Variants in PAG1 observed in about 807,000 individuals in gnomAD.
PAG1 encodes the protein phosphoprotein associated with glycosphingolipid-enriched microdomains 1.
In PAG1, 23 loss-of-function variants were observed where a neutral mutation model predicts 31.7. The observed-to-expected ratio is 0.73, with a 90% CI of 0.52 to 1.03. The LOEUF (loss-of-function observed/expected upper bound fraction) is 1.03, where lower values mean the gene tolerates loss of function less well. Ranked by LOEUF, PAG1 falls within the 50% of genes least tolerant of loss-of-function variation. The pLI, the probability that PAG1 is intolerant of heterozygous loss-of-function variation, is 0.00. For missense variants in PAG1, 473 were observed against 540.7 expected, an observed-to-expected ratio of 0.87 and a Z score of 1.24; for synonymous variants, 214 against 210.3, an observed-to-expected ratio of 1.02 and a Z score of -0.15.
At chr8:81,028,562 T>C (rs1166029311) in intron 3 of PAG1, among the ~76,000 whole-genome samples, 2 of 152,196 alleles carry the variant, frequency 1.3e-5, no homozygotes, top group African/African-American at 4.8e-5. Flanking sequence ...TCTTAAAGAC[T>C]TTTTTCATGT....
At chr8:81,055,869 G>A (rs1365037610) in intron 2 of PAG1, among the ~76,000 whole-genome samples, 2 of 152,108 alleles carry the variant, frequency 1.3e-5, no homozygotes. Flanking sequence ...TGAGATGGTG[G>A]GGTTTTCTAG....
intron 2 of PAG1, among the ~76,000 whole-genome samples, chr8:81,039,952 T>A (rs1426405581): frequency 2.0e-5 from 3 of 152,188 alleles, no homozygotes; most frequent in Non-Finnish European, 2.9e-5. Flanking sequence ...ATTTTAATTG[T>A]GAGGAAAAAT....
chr8:81,046,687 C>A (rs973854194), intron 2 of PAG1, among the ~76,000 whole-genome samples: 1 of 151,814 alleles, frequency 6.6e-6, no homozygotes, highest in Admixed American at 6.6e-5. Context: ...TTTAAATTTC[C>A]AATTTTTATT....
chr8:81,043,512 T>C (rs903477034), intron 2 of PAG1, among the ~76,000 whole-genome samples: 3 of 151,338 alleles, frequency 2.0e-5, no homozygotes, highest in African/African-American at 4.8e-5. Flanking sequence ...GAATGTTCCA[T>C]GTCAGTACAT....
At position 80,993,128 on chromosome 8, in the gene PAG1, T is replaced by A. The variant is rs1241681612; in HGVS notation, c.100A>T (p.Ile34Phe). ...CTGTCACAACTAGAGCACAGGAAGA[T>A]GAGGAAGGTGATGACGAAGAAAATG... ...VAIFFVITFL[I>F]FLCSSCDREK... is the part of the protein sequence containing the mutation. Residue 34 changes from isoleucine to phenylalanine, a missense_variant, in exon 4 of 9, where the codon ATC (isoleucine) becomes TTC (phenylalanine). Physicochemically the swap from Ile to Phe is conservative, Grantham distance 21. Coordinates refer to ENST00000220597, the MANE Select transcript of PAG1 (RefSeq NM_018440.4). 2 of 1,613,700 alleles carry A rather than the reference T, an allele frequency of 1.2e-6. No homozygotes were observed. The highest frequency in any genetic ancestry group is 1.7e-6 in the Non-Finnish European group (2 of 1,179,834).
At chr8:81,081,654 T>G (rs1406756755) in intron 1 of PAG1, among the ~76,000 whole-genome samples, 1 of 152,190 alleles carries the variant, frequency 6.6e-6, no homozygotes, top group Non-Finnish European at 1.5e-5. Flanking sequence ...ATTTAAAGAA[T>G]GTTATATAAA....
At chr8:81,071,336 G>A (rs1228774165) in intron 1 of PAG1, among the ~76,000 whole-genome samples, 2 of 152,174 alleles carry the variant, frequency 1.3e-5, no homozygotes, top group African/African-American at 2.4e-5. Flanking sequence ...AGAGGCAGTA[G>A]AATGGTAAAG....
intron 1 of PAG1, among the ~76,000 whole-genome samples, chr8:81,076,507 A>C (rs1809180520): frequency 6.6e-6 from 1 of 152,254 alleles, no homozygotes; most frequent in Non-Finnish European, 1.5e-5. Flanking sequence ...TTAGGCATTC[A>C]GGGCTGATAA....
At position 80,990,906 on chromosome 8, in the gene PAG1, C is replaced by T. The variant is rs1430448047; in HGVS notation, c.177+573G>A. 1.1e-4 allele frequency among the ~76,000 whole-genome samples: 16 copies of T among 152,082 alleles called. No individual in the cohort carries two copies. Among genetic ancestry groups the T allele is most frequent in the African/African-American group, 2.4e-4 (10 of 41,408 alleles). On this transcript the variant is annotated intron_variant, in intron 5 of 8. Coordinates refer to ENST00000220597, the MANE Select transcript of PAG1 (RefSeq NM_018440.4). The surrounding 1 kb of genome is among the most constrained non-coding windows in gnomAD (Gnocchi z 5.1). ...CAGACGAAGCTAGTTAATATGAGGTCGTGCTACAGTAGGGTGGGCACTAGT... is the reference window on the plus strand; with the variant it reads ...CAGACGAAGCTAGTTAATATGAGGTTGTGCTACAGTAGGGTGGGCACTAGT...
intron 2 of PAG1, among the ~76,000 whole-genome samples, chr8:81,065,337 T>C (rs1808985489): frequency 6.6e-6 from 1 of 152,224 alleles, no homozygotes; most frequent in Admixed American, 6.5e-5. Context: ...TCTTCTTCTT[T>C]TTTTAAATAT....
At chr8:81,062,088 C>T (rs1279040011) in intron 2 of PAG1, among the ~76,000 whole-genome samples, 1 of 152,172 alleles carries the variant, frequency 6.6e-6, no homozygotes, top group East Asian at 1.9e-4. Context: ...ACAATCCAGC[C>T]ACTCTTGACA....
At position 80,990,377 on chromosome 8, in the gene PAG1, T is replaced by A. The variant is rs983786965; in HGVS notation, c.177+1102A>T. ...GTCATCTCTGCAAACGTCTGCTGGC[T>A]GCGGGTTTTACGCCAGACCTTGGCT... On this transcript the variant is annotated intron_variant, in intron 5 of 8. Transcript: ENST00000220597. This position sits in a 1 kb window ranked among gnomAD's most constrained non-coding sequence, Gnocchi z 5.1. Among the ~76,000 whole-genome samples, 2 of 152,158 alleles carry A rather than the reference T, an allele frequency of 1.3e-5. No homozygotes were observed. Among genetic ancestry groups the A allele is most frequent in the Admixed American group, 1.3e-4 (2 of 15,282 alleles).
chr8:80,980,052 C>T (rs79127019), intron 8 of PAG1, among the ~76,000 whole-genome samples: 3,987 of 152,270 alleles, frequency 0.026, 174 homozygotes, highest in African/African-American at 0.092. Context: ...AAATTCCCTA[C>T]ACTCACCTGT....
intron 1 of PAG1, among the ~76,000 whole-genome samples, chr8:81,081,345 TA>T (rs1586208270): frequency 6.6e-6 from 1 of 152,144 alleles, no homozygotes; most frequent in South Asian, 2.1e-4. Context: ...TTTTAAAAGT[TA>T]TTTTTTAAAT....
intron 1 of PAG1, among the ~76,000 whole-genome samples, chr8:81,107,835 G>A (rs982062403): frequency 1.1e-4 from 16 of 152,318 alleles, no homozygotes; most frequent in African/African-American, 3.4e-4. Context: ...AACTGCTTGC[G>A]TGTATAACTT....
intron 2 of PAG1, among the ~76,000 whole-genome samples, chr8:81,035,724 T>C (rs1445736542): frequency 2.0e-5 from 3 of 152,060 alleles, no homozygotes; most frequent in Non-Finnish European, 4.4e-5. Flanking sequence ...TTCTAAAAGA[T>C]CAAGCTCAAA....
At chr8:80,998,283 C>T (rs1293033224) in intron 3 of PAG1, among the ~76,000 whole-genome samples, 1 of 152,078 alleles carries the variant, frequency 6.6e-6, no homozygotes, top group African/African-American at 2.4e-5. Context: ...GCGCGCGCCA[C>T]CATGCCCAGC....
At chr8:81,006,265 C>A (rs768340311) in intron 3 of PAG1, among the ~76,000 whole-genome samples, 2 of 152,222 alleles carry the variant, frequency 1.3e-5, no homozygotes, top group Non-Finnish European at 2.9e-5. Context: ...TTTTATCTTG[C>A]ATCCTAAGTG....
intron 1 of PAG1, among the ~76,000 whole-genome samples, chr8:81,091,249 G>C (rs1164383398): frequency 2.6e-5 from 4 of 152,212 alleles, no homozygotes; most frequent in Non-Finnish European, 2.9e-5. Context: ...GGGGCACACT[G>C]ACAAGCTGGT....
Sources: gnomAD v4.1 joint callset for allele counts (sites outside exome capture counted in the v4.1 genomes callset) on GRCh38, gnomAD v4.1.1 for gene constraint, Gnocchi (gnomAD v3.1) non-coding constraint, MANE v1.5 for transcripts, NCBI Gene and HGNC (gene_info 2026-07-23, HGNC 2026-07-21) for gene names.